Variants in ATP13A3 observed in about 807,000 individuals in gnomAD.
ATP13A3 encodes polyamine-transporting ATPase 13A3.
Under a neutral mutation model 158.1 loss-of-function variants are expected in ATP13A3, and 59 were observed. That is an observed-to-expected ratio of 0.37 (90% confidence interval 0.30 to 0.46). ATP13A3 has a LOEUF of 0.46. Among genes scored for constraint, ATP13A3 ranks in the 20% least tolerant of loss-of-function variants. ATP13A3 has a pLI of 1.00. For missense variants in ATP13A3, 1,166 were observed against 1,525.2 expected (o/e 0.76, Z 3.92); for synonymous variants, 491 against 504.3 (o/e 0.97, Z 0.35).
At chr3:194,459,422 C>G (rs748165957) in intron 6 of ATP13A3, 49 bp downstream of exon 6, 6 of 1,265,476 alleles carry the variant, frequency 4.7e-6, no homozygotes, top group Non-Finnish European at 6.9e-6. Context: ...CTATCTAGAA[C>G]GTTTTCAGGA....
At chr3:194,464,920 T>C (rs1299396379) in intron 2 of ATP13A3, among the ~76,000 whole-genome samples, 3 of 151,900 alleles carry the variant, frequency 2.0e-5, no homozygotes, top group African/African-American at 7.3e-5. Flanking sequence ...TCCCATGGGG[T>C]CATTTTTGAT....
chr3:194,484,704 T>C (rs1422430954), intron 2 of ATP13A3, among the ~76,000 whole-genome samples: 2 of 152,218 alleles, frequency 1.3e-5, no homozygotes, highest in African/African-American at 4.8e-5. Context: ...AGCTCGATAA[T>C]GTGGTTTATC....
chr3:194,480,999 T>C (rs1447491626), intron 2 of ATP13A3, among the ~76,000 whole-genome samples: 1 of 152,158 alleles, frequency 6.6e-6, no homozygotes, highest in Non-Finnish European at 1.5e-5. Flanking sequence ...AGAATGTCAG[T>C]TTCCAACCAG....
rs11918633 is a variant in ATP13A3 at position 194,431,944 on chromosome 3, G to A, written c.2246-52C>T. Reference sequence around the variant, plus strand: ...TTGAAATTAAAATGGAAACGTGAACGTATCAAACATGTACTTGCTGAGAAT... The same window carrying A: ...TTGAAATTAAAATGGAAACGTGAACATATCAAACATGTACTTGCTGAGAAT... On this transcript the variant is annotated intron_variant, in intron 21 of 33. Transcript: ENST00000645319. 4,640 of 1,393,912 alleles carry A rather than the reference G, an allele frequency of 3.3e-3. 136 individuals are homozygous for A. In the African/African-American group the frequency reaches 0.061, roughly 18 times the overall value. 86.3% of individuals were successfully genotyped at this position (1,393,912 alleles called of 1,614,324 possible).
At position 194,405,209 on chromosome 3, in the gene ATP13A3, C is replaced by T. The variant is rs1714853599; in HGVS notation, c.*710G>A. 6.6e-6 allele frequency: 1 copy of T among 152,152 alleles called. No individual in the cohort carries two copies. Among genetic ancestry groups the T allele is most frequent in the Non-Finnish European group, 1.5e-5 (1 of 68,026 alleles). The allele number at this position is 152,152 out of a possible 1,614,324, so 9.4% of individuals were successfully genotyped here. A position where few individuals can be genotyped will look rare whatever the true frequency, so the allele number is the denominator to read the frequency against. On this transcript the variant is annotated 3_prime_UTR_variant, in exon 34 of 34. Coordinates refer to ENST00000645319, the MANE Select transcript of ATP13A3 (RefSeq NM_001367549.1). Reference sequence around the variant, plus strand: ...GCCAACACCACACATAGCACAGGAGCCATTTAAGAGCTTTGAGAGGCGTCT... The same window carrying T: ...GCCAACACCACACATAGCACAGGAGTCATTTAAGAGCTTTGAGAGGCGTCT...
chr3:194,451,858 T>C (rs1718831908), intron 10 of ATP13A3: 1 of 152,432 alleles, frequency 6.6e-6, no homozygotes, highest in Non-Finnish European at 1.5e-5. Context: ...CACTGCTCCA[T>C]GGCCTCATAT....
chr3:194,416,457 CA>C (rs571254079), intron 31 of ATP13A3, among the ~76,000 whole-genome samples: 18 of 144,248 alleles, frequency 1.2e-4, no homozygotes, highest in Non-Finnish European at 1.4e-4. Context: ...GACTCCATCT[CA>C]AAAAAAAAAG....
At chr3:194,488,251 G>A (rs1281095525), upstream of ATP13A3, 1 of 152,252 alleles carries the variant, frequency 6.6e-6, no homozygotes, top group East Asian at 1.9e-4. This position sits in a 1 kb window ranked among gnomAD's most constrained non-coding sequence, Gnocchi z 4.1. Flanking sequence ...TAAGGGGTGT[G>A]TGGTAGTGTT....
intron 2 of ATP13A3, among the ~76,000 whole-genome samples, chr3:194,470,782 C>CTTATGATTCTTATCTTATCATAAATCTA (rs1474256527): frequency 6.6e-6 from 1 of 152,088 alleles, no homozygotes; most frequent in Non-Finnish European, 1.5e-5. Flanking sequence ...AATTTTAAGA[C>CTTATGATTCTTATCTTATCATAAATCTA]TCTTATGATT....
intron 14 of ATP13A3, 122 bp downstream of exon 14, chr3:194,446,805 G>T: frequency 1.0e-6 from 1 of 957,382 alleles, no homozygotes; most frequent in Non-Finnish European, 1.5e-6. Context: ...GGAGGAAAAG[G>T]AAAATTAGAG....
chr3:194,427,109 G>T lies in ATP13A3; in HGVS notation c.3091C>A (p.Gln1031Lys), dbSNP rs1716837084. The T allele has an allele frequency of 1.9e-6, 3 of 1,613,326 alleles. No individual in the cohort carries two copies. The East Asian group carries it at 6.7e-5, about 36-fold the overall frequency. ...QSLGFFWVKQ[Q>K]PWYEVWHPKS... The stretch of plus-strand genomic sequence containing the variant: ...GGATGCCACACTTCATACCAAGGTT[G>T]CTGTTTGACCCAAAAAAAACCCAAA... The change falls in exon 29 of 34, where the codon CAA becomes AAA. Residue 1031 changes from glutamine to lysine, a missense_variant. Gln to Lys is a moderately conservative substitution (Grantham distance 53). Around this residue, in one of 3 missense-constraint regions of ATP13A3, gnomAD observed 997 missense variants for 1,341.2 expected, o/e 0.74. Transcript: ENST00000645319.
At chr3:194,465,580 T>C (rs1216349766) in intron 2 of ATP13A3, among the ~76,000 whole-genome samples, 1 of 152,194 alleles carries the variant, frequency 6.6e-6, no homozygotes, top group Admixed American at 6.5e-5. Context: ...GTTTTTGCTT[T>C]AGTTAGCGGG....
intron 27 of ATP13A3, among the ~76,000 whole-genome samples, chr3:194,429,246 G>GT (rs201798742): frequency 0.036 from 5,497 of 152,036 alleles, 356 homozygotes; most frequent in African/African-American, 0.13. Context: ...GGCCAACATG[G>GT]TTTTTTTGGC....
At chr3:194,445,195 C>A (rs1321729790) in intron 14 of ATP13A3, among the ~76,000 whole-genome samples, 2 of 152,118 alleles carry the variant, frequency 1.3e-5, no homozygotes, top group Non-Finnish European at 2.9e-5. Context: ...CAGGAGGAAG[C>A]AACTGGCCAA....
At chr3:194,454,220 A>G (rs1411270197) in intron 9 of ATP13A3, 38 bp downstream of exon 9, 2 of 1,545,248 alleles carry the variant, frequency 1.3e-6, no homozygotes, top group African/African-American at 2.8e-5. Flanking sequence ...TACAAAATAC[A>G]AATACAGTTG....
intron 2 of ATP13A3, among the ~76,000 whole-genome samples, chr3:194,471,300 A>G (rs1002173001): frequency 2.7e-4 from 41 of 150,308 alleles, no homozygotes; most frequent in Non-Finnish European, 1.8e-4. Flanking sequence ...TGCCTATAAT[A>G]CAGCGTTAAG....
At chr3:194,438,122 T>C (rs1717792039) in intron 17 of ATP13A3, among the ~76,000 whole-genome samples, 1 of 152,166 alleles carries the variant, frequency 6.6e-6, no homozygotes, top group African/African-American at 2.4e-5. Context: ...ATCTCACTAC[T>C]GCACTCCAGC....
intron 30 of ATP13A3, among the ~76,000 whole-genome samples, chr3:194,422,168 A>G (rs780167772): frequency 3.9e-5 from 6 of 152,190 alleles, no homozygotes; most frequent in Non-Finnish European, 8.8e-5. Context: ...ACACTAAGTG[A>G]CAGGGGAGAG....
chr3:194,482,573 C>T (rs1720793176), intron 2 of ATP13A3, among the ~76,000 whole-genome samples: 1 of 152,176 alleles, frequency 6.6e-6, no homozygotes, highest in Middle Eastern at 3.2e-3. Context: ...AAATCTGAGC[C>T]TCTCTTACTT....
Sources: gnomAD v4.1 joint callset for allele counts (sites outside exome capture counted in the v4.1 genomes callset) on GRCh38, gnomAD v4.1.1 for gene constraint, gnomAD v4.1.1 regional missense constraint, Gnocchi (gnomAD v3.1) non-coding constraint, MANE v1.5 for transcripts, NCBI Gene and HGNC (gene_info 2026-07-23, HGNC 2026-07-21) for gene names.